The following NDUFB4 variants were observed in gnomAD, a reference collection of about 807,000 sequenced individuals.
NDUFB4 encodes the protein NADH:ubiquinone oxidoreductase subunit B4.
NDUFB4 carries 10 observed loss-of-function variants against 14.5 expected under a neutral mutation model. The ratio of observed to expected loss-of-function variants is 0.69; its 90% CI spans 0.43 to 1.17. The LOEUF (loss-of-function observed/expected upper bound fraction) is 1.17. Among genes scored for constraint, NDUFB4 ranks in the 50% most tolerant of loss-of-function variants. The pLI, the probability that NDUFB4 is intolerant of heterozygous loss-of-function variation, is 0.00. For synonymous variants in NDUFB4, 65 were observed against 63.4 expected, an observed-to-expected ratio of 1.03 and a Z score of -0.12; for missense variants, 165 against 161.1, an observed-to-expected ratio of 1.02 and a Z score of -0.13.
chr3:120,599,270 G>A (rs889352657), intron 1 of NDUFB4, among the ~76,000 whole-genome samples: 24 of 152,100 alleles, frequency 1.6e-4, no homozygotes, highest in African/African-American at 3.4e-4. Flanking sequence ...CTGTTAGACC[G>A]TATGTCAGAG....
chr3:120,602,441 G>T lies in NDUFB4; in HGVS notation c.*171G>T. On this transcript the variant is annotated 3_prime_UTR_variant, in exon 3 of 3. Coordinates refer to ENST00000184266, the MANE Select transcript of NDUFB4 (RefSeq NM_004547.6). ...TTGGGAATCTGCTGTCAGAGTGACA[G>T]CAAACATTTGCTGTACATTGAATGA... is the stretch of plus-strand genomic sequence containing the variant. 1.7e-6 allele frequency: 1 copy of T among 585,364 alleles called. No individual in the cohort carries two copies. The allele number at this position is 585,364 out of a possible 1,614,324, so 36.3% of individuals were successfully genotyped here. A position where few individuals can be genotyped will look rare whatever the true frequency, so the allele number is the denominator to read the frequency against.
chr3:120,602,405 C>T lies in NDUFB4; in HGVS notation c.*135C>T, dbSNP rs145250470. The T allele has an allele frequency of 1.7e-4, 134 of 774,738 alleles. No individual in the cohort carries two copies. The highest frequency in any genetic ancestry group is 6.8e-4 in the African/African-American group (38 of 56,242). 48.0% of individuals were successfully genotyped at this position (774,738 alleles called of 1,614,324 possible). ...AACACCCTAACAACACAGAAGCAGA[C>T]GCAGCCCGTGTTGGGAATCTGCTGT... On this transcript the variant is annotated 3_prime_UTR_variant, in exon 3 of 3. Coordinates refer to ENST00000184266, the MANE Select transcript of NDUFB4 (RefSeq NM_004547.6).
At chr3:120,601,784 T>A in intron 2 of NDUFB4, 1 of 1,019,850 alleles carries the variant, frequency 9.8e-7, no homozygotes, top group East Asian at 1.1e-4. Flanking sequence ...CTCGTCTAGC[T>A]TTGTCTTTAA....
chr3:120,600,109 GT>G lies in NDUFB4; in HGVS notation c.181-991del, dbSNP rs1186301411. 1.9e-3 allele frequency among the ~76,000 whole-genome samples: 250 copies of G among 133,336 alleles called. 4 individuals carry two copies. Among genetic ancestry groups the G allele is most frequent in the African/African-American group, 6.1e-3 (225 of 36,802 alleles). 87.5% of individuals were successfully genotyped at this position (133,336 alleles called of 152,430 possible). ...GGAACGGAAGCATTTCCATCATAAG[GT>G]TTTTTTTTTTGTTTTTTTTTTTTTT... On this transcript the variant is annotated intron_variant, in intron 1 of 2. Transcript: ENST00000184266.
rs1940019145 is a variant in NDUFB4, at chr3:120,599,350, C to T, written c.181-1761C>T. Among the ~76,000 whole-genome samples, 3 of 151,910 alleles carry T rather than the reference C, an allele frequency of 2.0e-5. No individual in the cohort carries two copies. The South Asian group carries it at 6.2e-4, about 32-fold the overall frequency. On this transcript the variant is annotated intron_variant, in intron 1 of 2. Coordinates refer to ENST00000184266, the MANE Select transcript of NDUFB4 (RefSeq NM_004547.6). ...GAGGTAAAATTTTGGGAATCATCAG[C>T]CTTTAGATAGATTATTTAAAGTTAT...
At chr3:120,601,325 C>T in intron 2 of NDUFB4, 68 bp downstream of exon 2, 1 of 1,597,950 alleles carries the variant, frequency 6.3e-7, no homozygotes, top group Non-Finnish European at 8.5e-7. Context: ...AGCTGCAGCT[C>T]CTTCTCTTGA....
chr3:120,601,823 C>T (rs1040103577), intron 2 of NDUFB4: 15 of 1,025,864 alleles, frequency 1.5e-5, no homozygotes, highest in African/African-American at 8.7e-5. Context: ...CATTAGAGTT[C>T]GTGTATTTTG....
rs572947416 is a variant in NDUFB4, at chr3:120,600,131, T to G, written c.181-980T>G. On this transcript the variant is annotated intron_variant, in intron 1 of 2. Coordinates refer to ENST00000184266, the MANE Select transcript of NDUFB4 (RefSeq NM_004547.6). The stretch of plus-strand genomic sequence containing the variant: ...AAGGTTTTTTTTTTTGTTTTTTTTT[T>G]TTTTTAAACTTCTGAGCTGCAGCTG... 1.0e-3 allele frequency among the ~76,000 whole-genome samples: 152 copies of G among 147,164 alleles called. 3 individuals are homozygous for G. The highest frequency in any genetic ancestry group is 3.6e-3 in the African/African-American group (148 of 40,832).
At chr3:120,597,654 A>C (rs112430289) in intron 1 of NDUFB4, among the ~76,000 whole-genome samples, 15,460 of 152,286 alleles carry the variant, frequency 0.1, 959 homozygotes, top group Middle Eastern at 0.16. Context: ...CATGGGAAGG[A>C]CAAGTAGGTC....
chr3:120,596,631 A>C (rs1186543518), intron 1 of NDUFB4, 92 bp downstream of exon 1: 7 of 1,378,244 alleles, frequency 5.1e-6, no homozygotes, highest in Non-Finnish European at 7.0e-6. Flanking sequence ...GCTCCCGATC[A>C]GTATCTCAGA....
chr3:120,596,472 C>T lies in NDUFB4; in HGVS notation c.113C>T (p.Ala38Val), dbSNP rs1343349722. Residue 38 changes from alanine (A) to valine (V), a missense_variant, in exon 1 of 3, where the codon GCC (alanine) becomes GTC (valine). Ala to Val is a moderately conservative substitution (Grantham distance 64). Transcript: ENST00000184266. ...CGGCGGGCGCAAGCCGAGCGGTTGGCCATAAGAGCCCAGCTGAAACGAGAG... is the reference window on the plus strand; with the variant it reads ...CGGCGGGCGCAAGCCGAGCGGTTGGTCATAAGAGCCCAGCTGAAACGAGAG... ...ETRRAQAERL[A>V]IRAQLKREYL... 1 of 1,614,060 alleles carries T rather than the reference C, an allele frequency of 6.2e-7. No individual in the cohort carries two copies. Among genetic ancestry groups the T allele is most frequent in the Non-Finnish European group, 8.5e-7 (1 of 1,179,970 alleles).
intron 1 of NDUFB4, among the ~76,000 whole-genome samples, chr3:120,598,078 G>C (rs1939996650): frequency 6.7e-6 from 1 of 150,182 alleles, no homozygotes; most frequent in South Asian, 2.1e-4. Flanking sequence ...CTTGAGACAG[G>C]ATCTTACTCT....
chr3:120,597,537 ATG>A (rs767968799), intron 1 of NDUFB4, among the ~76,000 whole-genome samples: 104 of 152,348 alleles, frequency 6.8e-4, no homozygotes, highest in African/African-American at 2.4e-3. Flanking sequence ...GAAAGTTACA[ATG>A]TGCCAGGCAC....
chr3:120,596,509 G>A lies in NDUFB4; in HGVS notation c.150G>A (p.Gln50=), dbSNP rs754080432. Residue 50 remains glutamine (Q), a synonymous_variant, in exon 1 of 3, where the codon CAG becomes CAA. Coordinates refer to ENST00000184266, the MANE Select transcript of NDUFB4 (RefSeq NM_004547.6). ...RAQLKREYLL[Q]YNDPNRRGLI... ...AGCTGAAACGAGAGTACCTGCTTCA[G>A]TACAACGATCCCAACCGCCGAGGGC... The A allele has an allele frequency of 6.2e-7, 1 of 1,613,844 alleles. No homozygotes were observed.
At chr3:120,601,739 T>G in intron 2 of NDUFB4, 1 of 1,021,668 alleles carries the variant, frequency 9.8e-7, no homozygotes, top group Non-Finnish European at 1.2e-6. Context: ...AACCCTGAGC[T>G]GCAGCCCCCA....
intron 1 of NDUFB4, 144 bp downstream of exon 1, chr3:120,596,683 A>G: frequency 1.1e-6 from 1 of 927,256 alleles, no homozygotes; most frequent in Non-Finnish European, 1.6e-6. Flanking sequence ...CTACCCTTTT[A>G]CCTTTGCCAG....
At position 120,602,204 on chromosome 3, in the gene NDUFB4, A is replaced by G. The variant is rs762155928; in HGVS notation, c.328-4A>G. On this transcript the variant is annotated splice_region_variant and splice_polypyrimidine_tract_variant and intron_variant, in intron 2 of 2. Coordinates refer to ENST00000184266, the MANE Select transcript of NDUFB4 (RefSeq NM_004547.6). ...TTTAATGTACTTTTTTTCTGTCTTT[A>G]CAGGATAGGAAAGAAAAACTTATCC... The G allele has an allele frequency of 3.7e-6, 6 of 1,609,522 alleles. No homozygotes were observed. In the Admixed American group the frequency reaches 6.8e-5, roughly 18 times the overall value.
At chr3:120,598,214 G>A (rs976079031) in intron 1 of NDUFB4, among the ~76,000 whole-genome samples, 1 of 151,784 alleles carries the variant, frequency 6.6e-6, no homozygotes, top group Non-Finnish European at 1.5e-5. Flanking sequence ...TACCATGTCC[G>A]GTTAAGTTTT....
At chr3:120,598,910 A>G (rs528518462) in intron 1 of NDUFB4, among the ~76,000 whole-genome samples, 4 of 152,276 alleles carry the variant, frequency 2.6e-5, no homozygotes, top group African/African-American at 4.8e-5. Context: ...GGACTTAACA[A>G]TTTCTCTGGC....
Sources: gnomAD v4.1 joint callset for allele counts (sites outside exome capture counted in the v4.1 genomes callset) on GRCh38, gnomAD v4.1.1 for gene constraint, MANE v1.5 for transcripts, NCBI Gene and HGNC (gene_info 2026-07-23, HGNC 2026-07-21) for gene names.